The following MAP2 variants were observed in gnomAD, a reference collection of about 807,000 sequenced individuals.
MAP2 encodes the protein microtubule associated protein 2.
Under a neutral mutation model 137.6 loss-of-function variants are expected in MAP2, and 14 were observed. The ratio of observed to expected loss-of-function variants is 0.10; its 90% CI spans 0.07 to 0.16. The LOEUF (loss-of-function observed/expected upper bound fraction) is 0.16. Among genes scored for constraint, MAP2 ranks in the 10% least tolerant of loss-of-function variants. MAP2 has a pLI of 1.00. For synonymous variants in MAP2, 786 were observed against 782.3 expected (o/e 1.00, Z -0.08); for missense variants, 2,088 against 2,191.5 (o/e 0.95, Z 0.94).
In MAP2 at chr2:209,655,152, G is replaced by T. The variant is rs567159038; in HGVS notation, c.262+1720G>T. Among the ~76,000 whole-genome samples the T allele has an allele frequency of 1.5e-4, 23 of 152,294 alleles. No homozygotes were observed. The South Asian group carries it at 4.8e-3, about 32-fold the overall frequency. ...GAGAAAATGATATACATTTAAAAGA[G>T]GCTAATAGACGTTTCTTTTAAATGA... On this transcript the variant is annotated intron_variant, in intron 5 of 15. Coordinates refer to ENST00000682079, the MANE Select transcript of MAP2 (RefSeq NM_001375505.1).
At chr2:209,699,891 T>C (rs1417057276) in intron 10 of MAP2, among the ~76,000 whole-genome samples, 1 of 152,206 alleles carries the variant, frequency 6.6e-6, no homozygotes, top group Non-Finnish European at 1.5e-5. Context: ...CTATATATCA[T>C]GTGAACCCCA....
chr2:209,589,808 A>G (rs983272599), intron 3 of MAP2, among the ~76,000 whole-genome samples: 1 of 152,252 alleles, frequency 6.6e-6, no homozygotes, highest in Non-Finnish European at 1.5e-5. Flanking sequence ...TCAGGATAGC[A>G]AAGAAAATTA....
intron 1 of MAP2, among the ~76,000 whole-genome samples, chr2:209,495,244 G>A (rs1454196531): frequency 2.6e-5 from 4 of 152,234 alleles, no homozygotes; most frequent in Non-Finnish European, 4.4e-5. Flanking sequence ...GGGAAGAGGG[G>A]GATGTGGGTA....
intron 12 of MAP2, among the ~76,000 whole-genome samples, chr2:209,706,605 TA>T (rs2063506473): frequency 1.3e-5 from 2 of 152,186 alleles, no homozygotes; most frequent in East Asian, 3.9e-4. Flanking sequence ...AGCCTACTGA[TA>T]ACTTCACAAC....
chr2:209,533,924 A>G (rs1347463845), intron 2 of MAP2, among the ~76,000 whole-genome samples: 1 of 152,122 alleles, frequency 6.6e-6, no homozygotes. Context: ...TTATTAACAC[A>G]AGGAGAGTGA....
chr2:209,575,518 CAAAAAAAAAA>C (rs71043942), intron 2 of MAP2, among the ~76,000 whole-genome samples: 3 of 28,374 alleles, frequency 1.1e-4, no homozygotes, highest in Admixed American at 1.0e-3. Context: ...GACTCCATCT[CAAAAAAAAAA>C]AAAAAAAAAA....
chr2:209,483,402 T>C (rs2057970418), intron 1 of MAP2, among the ~76,000 whole-genome samples: 1 of 152,170 alleles, frequency 6.6e-6, no homozygotes, highest in Non-Finnish European at 1.5e-5. Flanking sequence ...AGTAAGACCT[T>C]GTCTCTAGAA....
chr2:209,553,339 A>G (rs1203965747), intron 2 of MAP2, among the ~76,000 whole-genome samples: 1 of 152,140 alleles, frequency 6.6e-6, no homozygotes, highest in Non-Finnish European at 1.5e-5. Context: ...AAGAGGCAGT[A>G]TGGTACAGCG....
At chr2:209,554,222 ACT>A (rs1393890618) in intron 2 of MAP2, among the ~76,000 whole-genome samples, 2 of 151,640 alleles carry the variant, frequency 1.3e-5, no homozygotes, top group East Asian at 3.9e-4. Context: ...TCAAATCTAA[ACT>A]CTCCCCACCA....
intron 4 of MAP2, among the ~76,000 whole-genome samples, chr2:209,634,890 T>G (rs894013550): frequency 3.9e-5 from 6 of 152,030 alleles, no homozygotes; most frequent in Non-Finnish European, 8.8e-5. Flanking sequence ...AGCAAGCATT[T>G]TGCTTGGGCA....
intron 3 of MAP2, among the ~76,000 whole-genome samples, chr2:209,582,645 T>C (rs999799124): frequency 6.8e-6 from 1 of 147,590 alleles, no homozygotes; most frequent in East Asian, 2.0e-4. Context: ...TAAGGATAGA[T>C]AGATAGATAG....
At chr2:209,574,320 A>G (rs1014590265) in intron 2 of MAP2, among the ~76,000 whole-genome samples, 45 of 152,190 alleles carry the variant, frequency 3.0e-4, no homozygotes, top group African/African-American at 1.1e-3. Context: ...AGATCATGCA[A>G]TGTTTTTCTT....
At chr2:209,653,770 G>C (rs10206817) in intron 5 of MAP2, among the ~76,000 whole-genome samples, 1 of 151,822 alleles carries the variant, frequency 6.6e-6, no homozygotes, top group Non-Finnish European at 1.5e-5. Flanking sequence ...AATGACCTTG[G>C]ACCTAAATCC....
intron 13 of MAP2, among the ~76,000 whole-genome samples, chr2:209,723,261 A>G (rs2072120275): frequency 6.6e-6 from 1 of 152,220 alleles, no homozygotes; most frequent in African/African-American, 2.4e-5. Flanking sequence ...ACCTAGAGTG[A>G]GCCTGAGTCC....
intron 13 of MAP2, 156 bp downstream of exon 13, chr2:209,710,410 G>T (rs998254641): frequency 7.5e-6 from 5 of 663,018 alleles, no homozygotes; most frequent in Non-Finnish European, 1.3e-5. Context: ...TAGGAAGATA[G>T]CCTCTGAAAT....
At chr2:209,546,388 T>C (rs2068072957) in intron 2 of MAP2, among the ~76,000 whole-genome samples, 2 of 152,200 alleles carry the variant, frequency 1.3e-5, no homozygotes, top group Non-Finnish European at 2.9e-5. Flanking sequence ...AAAATGATTA[T>C]GTAGTTATGT....
At chr2:209,707,581 A>G (rs1039024525) in intron 12 of MAP2, among the ~76,000 whole-genome samples, 4 of 149,688 alleles carry the variant, frequency 2.7e-5, no homozygotes, top group Non-Finnish European at 1.5e-5. Context: ...CAAGATAAAT[A>G]AAAGCACAGT....
intron 13 of MAP2, 183 bp downstream of exon 13, chr2:209,710,437 G>T: frequency 1.7e-6 from 1 of 594,524 alleles, no homozygotes; most frequent in African/African-American, 1.9e-5. Flanking sequence ...AAAATCACAT[G>T]ACATGCCCAT....
intron 2 of MAP2, among the ~76,000 whole-genome samples, chr2:209,552,362 T>A (rs1343062537): frequency 1.3e-5 from 2 of 152,188 alleles, no homozygotes; most frequent in African/African-American, 4.8e-5. Flanking sequence ...TTTTTAAACA[T>A]TGGGGTTTAC....
Sources: gnomAD v4.1 joint callset for allele counts (sites outside exome capture counted in the v4.1 genomes callset) on GRCh38, gnomAD v4.1.1 for gene constraint, MANE v1.5 for transcripts, NCBI Gene and HGNC (gene_info 2026-07-23, HGNC 2026-07-21) for gene names.